Variants in FER1L6 observed in about 807,000 individuals in gnomAD.
FER1L6 encodes the protein fer-1 like family member 6.
Under a neutral mutation model 219.2 loss-of-function variants are expected in FER1L6, and 177 were observed. The observed-to-expected ratio is 0.81, with a 90% CI of 0.71 to 0.91. The LOEUF is 0.91. Ranked by LOEUF, FER1L6 falls within the 40% of genes least tolerant of loss-of-function variation. The pLI, the probability that FER1L6 is intolerant of heterozygous loss-of-function variation, is 0.00. For missense variants in FER1L6, 2,153 were observed against 2,259.9 expected, an observed-to-expected ratio of 0.95 and a Z score of 0.96; for synonymous variants, 768 against 824.3, an observed-to-expected ratio of 0.93 and a Z score of 1.17.
intron 35 of FER1L6, among the ~76,000 whole-genome samples, chr8:124,096,939 TGG>T (rs1413631392): frequency 6.6e-6 from 1 of 152,032 alleles, no homozygotes; most frequent in Non-Finnish European, 1.5e-5. Context: ...ATCTACCTGG[TGG>T]AGATGTTGCA....
intron 1 of FER1L6, among the ~76,000 whole-genome samples, chr8:123,879,879 G>A (rs530491221): frequency 6.6e-6 from 1 of 152,156 alleles, no homozygotes; most frequent in Admixed American, 6.5e-5. Flanking sequence ...CTCAGAAGCT[G>A]TTTGTCCATT....
chr8:123,870,550 G>A (rs1210181869), intron 1 of FER1L6, among the ~76,000 whole-genome samples: 1 of 152,196 alleles, frequency 6.6e-6, no homozygotes, highest in Non-Finnish European at 1.5e-5. Context: ...TGAAAAGACA[G>A]TCTGAAAGGA....
At chr8:123,953,386 G>A (rs911920961) in intron 1 of FER1L6, among the ~76,000 whole-genome samples, 10 of 152,176 alleles carry the variant, frequency 6.6e-5, no homozygotes, top group African/African-American at 1.9e-4. Context: ...TGGGTCTGCC[G>A]TAGAGTAATT....
chr8:123,911,238 A>T (rs765829859), intron 1 of FER1L6, among the ~76,000 whole-genome samples: 3 of 152,246 alleles, frequency 2.0e-5, no homozygotes, highest in Admixed American at 6.5e-5. Context: ...TTTCAAAAAA[A>T]GTTACTTGTG....
intron 12 of FER1L6, among the ~76,000 whole-genome samples, chr8:123,999,689 A>T (rs534786810): frequency 6.6e-6 from 1 of 152,072 alleles, no homozygotes; most frequent in African/African-American, 2.4e-5. Flanking sequence ...CAAAAACAAA[A>T]CAAAAGAAAT....
chr8:124,046,151 C>T, intron 21 of FER1L6: 2 of 405,982 alleles, frequency 4.9e-6, no homozygotes, highest in Non-Finnish European at 8.9e-6. Context: ...ATCTGGTTTA[C>T]AGAACGTCAG....
At chr8:123,999,587 C>T (rs1221480218) in intron 12 of FER1L6, among the ~76,000 whole-genome samples, 5 of 152,136 alleles carry the variant, frequency 3.3e-5, no homozygotes, top group African/African-American at 4.8e-5. Context: ...TGCCTGAACC[C>T]GGGAGGCAGA....
intron 22 of FER1L6, among the ~76,000 whole-genome samples, chr8:124,051,143 T>C (rs748332360): frequency 2.0e-5 from 3 of 152,114 alleles, no homozygotes; most frequent in Non-Finnish European, 4.4e-5. Flanking sequence ...AAAAGAGAGA[T>C]AACCTCTCCC....
At chr8:124,074,161 A>C (rs1821184748) in intron 31 of FER1L6, among the ~76,000 whole-genome samples, 1 of 152,104 alleles carries the variant, frequency 6.6e-6, no homozygotes, top group Non-Finnish European at 1.5e-5. Context: ...TTTGCTTTTG[A>C]CAGTTTAAGG....
rs556394544 is a variant in FER1L6 at position 123,896,144 on chromosome 8, CAAAT to C, written c.-8+43964_-8+43967del. ...CTCATGGCCTTGTCCCAGGAGGTAACAAATAAATGAAGCCAACCCAGGGATAGAC... is the reference window on the plus strand; with the variant it reads ...CTCATGGCCTTGTCCCAGGAGGTAACAAATGAAGCCAACCCAGGGATAGAC... On this transcript the variant is annotated intron_variant, in intron 1 of 40. Transcript: ENST00000522917. Among the ~76,000 whole-genome samples, 36 of 152,226 alleles carry C rather than the reference CAAAT, an allele frequency of 2.4e-4. 1 individual carries two copies. In the South Asian group the frequency reaches 7.3e-3, roughly 31 times the overall value.
rs1263310706 is a variant in FER1L6, at chr8:123,853,729, G to A, written c.-8+1544G>A. Among the ~76,000 whole-genome samples, 1 of 152,196 alleles carries A rather than the reference G, an allele frequency of 6.6e-6. No individual in the cohort carries two copies. Among genetic ancestry groups the A allele is most frequent in the Non-Finnish European group, 1.5e-5 (1 of 68,038 alleles). On this transcript the variant is annotated intron_variant, in intron 1 of 40. Coordinates refer to ENST00000522917, the MANE Select transcript of FER1L6 (RefSeq NM_001039112.2). This position sits in a 1 kb window ranked among gnomAD's most constrained non-coding sequence, Gnocchi z 6.6. ...TGCTCATGGCTATGATGAAGACCTGGAGGAGGAAAAGGCCAGAAAGCTGCA... is the reference window on the plus strand; with the variant it reads ...TGCTCATGGCTATGATGAAGACCTGAAGGAGGAAAAGGCCAGAAAGCTGCA...
At chr8:123,868,604 C>T (rs1264562380) in intron 1 of FER1L6, among the ~76,000 whole-genome samples, 2 of 152,128 alleles carry the variant, frequency 1.3e-5, no homozygotes, top group African/African-American at 2.4e-5. Context: ...GGAAGGTGCC[C>T]TCAAGTGACC....
chr8:124,060,756 A>T (rs1352129756), intron 24 of FER1L6, 47 bp downstream of exon 24: 1 of 1,590,568 alleles, frequency 6.3e-7, no homozygotes, highest in Non-Finnish European at 8.6e-7. Flanking sequence ...TCTTTTTTGC[A>T]CAGATGAGAT....
Position 124,013,412 on chromosome 8 carries a change from C to T in FER1L6, c.1822-19C>T. ...CATTACCACCGCCTCATCTCTCCAC[C>T]CCTGTGGTTTGTTTTCAGGAAGAAA... is the stretch of plus-strand genomic sequence containing the variant. On this transcript the variant is annotated intron_variant, in intron 14 of 40. Coordinates refer to ENST00000522917, the MANE Select transcript of FER1L6 (RefSeq NM_001039112.2). The T allele has an allele frequency of 1.3e-6, 2 of 1,518,050 alleles. No homozygotes were observed. The highest frequency in any genetic ancestry group is 1.8e-6 in the Non-Finnish European group (2 of 1,105,526). 94.0% of individuals were successfully genotyped at this position (1,518,050 alleles called of 1,614,324 possible).
chr8:123,862,938 ATTCATTGATTTTTTGAAGGG>A (rs1816771020), intron 1 of FER1L6, among the ~76,000 whole-genome samples: 1 of 146,166 alleles, frequency 6.8e-6, no homozygotes, highest in Non-Finnish European at 1.5e-5. Context: ...CAGCTCCTGG[ATTCATTGATTTTTTGAAGGG>A]TTTTTTGTGC....
intron 1 of FER1L6, among the ~76,000 whole-genome samples, chr8:123,940,355 C>CT (rs549725148): frequency 1.5e-4 from 23 of 149,584 alleles, no homozygotes; most frequent in East Asian, 1.9e-4. Context: ...AGTTACAGAA[C>CT]TTTTTTTTTT....
At chr8:123,959,246 G>A (rs187040620) in intron 2 of FER1L6, among the ~76,000 whole-genome samples, 1 of 152,252 alleles carries the variant, frequency 6.6e-6, no homozygotes, top group East Asian at 1.9e-4. Flanking sequence ...CAGAATGAAC[G>A]CCCCTAGAGG....
chr8:123,931,037 T>A (rs563472136), intron 1 of FER1L6, among the ~76,000 whole-genome samples: 33 of 152,264 alleles, frequency 2.2e-4, no homozygotes, highest in African/African-American at 7.7e-4. Flanking sequence ...TTTGGAAACA[T>A]CCTTTGGTGG....
At chr8:123,943,710 G>A (rs1267924672) in intron 1 of FER1L6, among the ~76,000 whole-genome samples, 1 of 151,968 alleles carries the variant, frequency 6.6e-6, no homozygotes, top group Non-Finnish European at 1.5e-5. Flanking sequence ...TCTCATTATC[G>A]AACTCTGTCC....
Sources: gnomAD v4.1 joint callset for allele counts (sites outside exome capture counted in the v4.1 genomes callset) on GRCh38, gnomAD v4.1.1 for gene constraint, Gnocchi (gnomAD v3.1) non-coding constraint, MANE v1.5 for transcripts, NCBI Gene and HGNC (gene_info 2026-07-23, HGNC 2026-07-21) for gene names.